Variants in RAB28 observed in about 807,000 individuals in gnomAD.
RAB28 encodes the protein RAB28, member RAS oncogene family, also known as ras-related protein Rab-28.
In RAB28, 24 loss-of-function variants were observed where a neutral mutation model predicts 31.7. The observed-to-expected ratio is 0.76, with a 90% CI of 0.55 to 1.06. The LOEUF (loss-of-function observed/expected upper bound fraction) is 1.06, where lower values mean the gene tolerates loss of function less well. RAB28 is among the 50% of genes least tolerant of loss of function. The pLI is 0.00. For missense variants in RAB28, 254 were observed against 258.5 expected (o/e 0.98, Z 0.12); for synonymous variants, 100 against 90.4 (o/e 1.11, Z -0.60).
intron 4 of RAB28, among the ~76,000 whole-genome samples, chr4:13,425,196 G>T (rs1713405420): frequency 6.6e-6 from 1 of 152,100 alleles, no homozygotes; most frequent in Admixed American, 6.6e-5. Flanking sequence ...CAGTATCAAA[G>T]ATTTTTGATA....
chr4:13,471,888 T>C (rs559256091), intron 3 of RAB28, among the ~76,000 whole-genome samples: 3 of 152,182 alleles, frequency 2.0e-5, no homozygotes, highest in Admixed American at 6.5e-5. Flanking sequence ...AGAAACTTTA[T>C]ACAAGTTCTA....
intron 4 of RAB28, among the ~76,000 whole-genome samples, chr4:13,405,322 T>C (rs1200010744): frequency 1.3e-5 from 2 of 152,180 alleles, no homozygotes; most frequent in Non-Finnish European, 2.9e-5. Context: ...GGGTGCAATA[T>C]GTTCTATGAA....
chr4:13,379,181 G>A (rs1365667426), intron 5 of RAB28, among the ~76,000 whole-genome samples: 4 of 141,876 alleles, frequency 2.8e-5, no homozygotes, highest in African/African-American at 5.3e-5. Context: ...ACTCCAGCCC[G>A]GAGGACACAG....
chr4:13,426,624 C>T (rs1313009110), intron 4 of RAB28, among the ~76,000 whole-genome samples: 1 of 152,042 alleles, frequency 6.6e-6, no homozygotes, highest in Admixed American at 6.5e-5. Flanking sequence ...ACTATCAGGC[C>T]CTTAAGAATA....
At chr4:13,468,972 C>A (rs1715994869) in intron 3 of RAB28, among the ~76,000 whole-genome samples, 1 of 151,712 alleles carries the variant, frequency 6.6e-6, no homozygotes, top group African/African-American at 2.4e-5. Context: ...ATAAAATGGA[C>A]CAAATCTTTA....
intron 4 of RAB28, among the ~76,000 whole-genome samples, chr4:13,413,215 T>C (rs1361613650): frequency 1.3e-5 from 2 of 152,200 alleles, no homozygotes; most frequent in Non-Finnish European, 2.9e-5. Context: ...TACATATCAA[T>C]GTATCTTATC....
At chr4:13,484,009 G>T (rs1320814659) in intron 1 of RAB28, 67 bp downstream of exon 1, 6 of 1,437,044 alleles carry the variant, frequency 4.2e-6, no homozygotes, top group Non-Finnish European at 5.7e-6. Flanking sequence ...GCCGGGCGGC[G>T]GGGAGGAGGC....
At chr4:13,391,371 G>C (rs1054414624) in intron 4 of RAB28, among the ~76,000 whole-genome samples, 1 of 152,170 alleles carries the variant, frequency 6.6e-6, no homozygotes. Flanking sequence ...TCTCACACCA[G>C]TTAGAATGGC....
At chr4:13,435,031 A>AAAG (rs1553872686) in intron 4 of RAB28, among the ~76,000 whole-genome samples, 31 of 150,788 alleles carry the variant, frequency 2.1e-4, no homozygotes, top group African/African-American at 7.3e-4. Context: ...AAAAAAAAAA[A>AAAG]AAAAGAAAAG....
chr4:13,412,020 CAA>C (rs1326578822), intron 4 of RAB28, among the ~76,000 whole-genome samples: 38 of 119,866 alleles, frequency 3.2e-4, no homozygotes, highest in Non-Finnish European at 2.7e-4. Flanking sequence ...ATTCAAAAGT[CAA>C]AAAAAAAAAA....
intron 2 of RAB28, among the ~76,000 whole-genome samples, chr4:13,477,133 A>G (rs1387902149): frequency 2.0e-5 from 3 of 151,616 alleles, no homozygotes; most frequent in Non-Finnish European, 4.4e-5. Context: ...ATTTTGACTA[A>G]GGCTCTTAAG....
In RAB28 at chr4:13,474,367, C is replaced by T; in HGVS notation, c.212G>A (p.Gly71Glu). The stretch of plus-strand genomic sequence containing the variant: ...CAACATTTTGCCTCCTATTGTCTGC[C>T]CTCCTATATCCCAAATTTGAAGGGT... ...NVTLQIWDIG[G>E]QTIGGKMLDK... The change falls in exon 3 of 7, where the codon GGG (glycine) becomes GAG (glutamate). Residue 71 changes from glycine (G) to glutamate (E), a missense_variant. Physicochemically the swap from Gly to Glu is moderately conservative, Grantham distance 98 (BLOSUM62 -2). Coordinates refer to ENST00000330852, the MANE Select transcript of RAB28 (RefSeq NM_001017979.3). 2 of 1,596,070 alleles carry T rather than the reference C, an allele frequency of 1.3e-6. No homozygotes were observed. Among genetic ancestry groups the T allele is most frequent in the Non-Finnish European group, 1.7e-6 (2 of 1,167,884 alleles).
At chr4:13,404,991 A>T (rs1711992410) in intron 4 of RAB28, among the ~76,000 whole-genome samples, 1 of 150,628 alleles carries the variant, frequency 6.6e-6, no homozygotes. Flanking sequence ...TTTAATAATC[A>T]CTCCTAAAGA....
At chr4:13,380,299 C>T (rs554795321) in intron 5 of RAB28, among the ~76,000 whole-genome samples, 2 of 152,058 alleles carry the variant, frequency 1.3e-5, no homozygotes, top group East Asian at 3.9e-4. Context: ...CAGAGAAAAA[C>T]ATCAAAAATC....
At chr4:13,403,047 G>A (rs973683551) in intron 4 of RAB28, among the ~76,000 whole-genome samples, 9 of 152,014 alleles carry the variant, frequency 5.9e-5, no homozygotes, top group African/African-American at 1.9e-4. Flanking sequence ...CACCCACCTC[G>A]GCCTGCCAAA....
intron 4 of RAB28, among the ~76,000 whole-genome samples, chr4:13,417,111 T>C (rs1712828968): frequency 6.6e-6 from 1 of 152,202 alleles, no homozygotes; most frequent in Non-Finnish European, 1.5e-5. Context: ...GCAGGTCCCA[T>C]GCCTATAGAG....
At chr4:13,406,880 G>A (rs1195054818) in intron 4 of RAB28, among the ~76,000 whole-genome samples, 2 of 152,120 alleles carry the variant, frequency 1.3e-5, no homozygotes, top group East Asian at 1.9e-4. Context: ...TAAGTTCCTT[G>A]TAGATTCTGG....
chr4:13,478,084 G>GA (rs940269722), intron 2 of RAB28, among the ~76,000 whole-genome samples: 1 of 151,414 alleles, frequency 6.6e-6, no homozygotes, highest in Non-Finnish European at 1.5e-5. Context: ...TGGCATCTGT[G>GA]AAAAAAACTC....
At chr4:13,428,534 G>T (rs1713634825) in intron 4 of RAB28, among the ~76,000 whole-genome samples, 1 of 152,162 alleles carries the variant, frequency 6.6e-6, no homozygotes, top group Non-Finnish European at 1.5e-5. Context: ...TTAAATGAAA[G>T]TTTTAAAGAG....
Sources: allele counts gnomAD v4.1 joint callset (sites outside exome capture counted in the v4.1 genomes callset), GRCh38; gene constraint gnomAD v4.1.1; transcripts MANE v1.5; gene names NCBI Gene and HGNC (gene_info 2026-07-23, HGNC 2026-07-21).